SNTG1: variants seen among roughly 807,000 people sequenced by gnomAD.
SNTG1 encodes gamma-1-syntrophin.
SNTG1 carries 39 observed loss-of-function variants against 74.7 expected under a neutral mutation model. The ratio of observed to expected loss-of-function variants is 0.52; its 90% CI spans 0.40 to 0.68. SNTG1 has a LOEUF of 0.68. SNTG1 is among the 30% of genes least tolerant of loss of function. The pLI is 0.00. For missense variants in SNTG1, 685 were observed against 609.5 expected (o/e 1.12, Z -1.30); for synonymous variants, 254 against 217.1 (o/e 1.17, Z -1.49).
At chr8:50,084,473 A>G (rs1317791595) in intron 1 of SNTG1, among the ~76,000 whole-genome samples, 1 of 151,884 alleles carries the variant, frequency 6.6e-6, no homozygotes, top group Non-Finnish European at 1.5e-5. Flanking sequence ...AAAATAAAAT[A>G]AAAAAAAGTA....
At chr8:50,115,567 C>CAAAAAAAA (rs11386539) in intron 1 of SNTG1, among the ~76,000 whole-genome samples, 2 of 40,530 alleles carry the variant, frequency 4.9e-5, no homozygotes, top group African/African-American at 1.3e-4. Context: ...GACTCTGTCT[C>CAAAAAAAA]AAAAAAAAAA....
chr8:50,157,121 C>T (rs1254483601), intron 1 of SNTG1, among the ~76,000 whole-genome samples: 1 of 152,054 alleles, frequency 6.6e-6, no homozygotes, highest in Non-Finnish European at 1.5e-5. Flanking sequence ...AGAGCTGAAT[C>T]TCAAACAAGG....
chr8:50,359,329 T>C (rs767658003), intron 2 of SNTG1, among the ~76,000 whole-genome samples: 1 of 152,204 alleles, frequency 6.6e-6, no homozygotes, highest in African/African-American at 2.4e-5. Flanking sequence ...CCCTGCTGTA[T>C]TCACCAGCAT....
At position 49,943,645 on chromosome 8, in the gene SNTG1, A is replaced by C. The variant is rs775981570; in HGVS notation, c.-103+31414A>C. 5.1e-4 allele frequency among the ~76,000 whole-genome samples: 77 copies of C among 152,234 alleles called. 1 individual carries two copies. The highest frequency in any genetic ancestry group is 1.8e-3 in the African/African-American group (76 of 41,458). On this transcript the variant is annotated intron_variant, in intron 1 of 18. Transcript: ENST00000642720. ...CCTTGCCCTTCTGGCCCTATAATCCATGCATTTAAAATTTCACTGTGAGCC... is the reference window on the plus strand; with the variant it reads ...CCTTGCCCTTCTGGCCCTATAATCCCTGCATTTAAAATTTCACTGTGAGCC...
chr8:50,307,189 C>T (rs1002285596), intron 2 of SNTG1, among the ~76,000 whole-genome samples: 1 of 152,016 alleles, frequency 6.6e-6, no homozygotes, highest in Non-Finnish European at 1.5e-5. Context: ...ACCAAGGTGT[C>T]AATCTCTTGA....
At position 50,572,842 on chromosome 8, in the gene SNTG1, G is replaced by C. The variant is rs561839083; in HGVS notation, c.811-18037G>C. Among the ~76,000 whole-genome samples, 11 of 152,076 alleles carry C rather than the reference G, an allele frequency of 7.2e-5. No individual in the cohort carries two copies. The East Asian group carries it at 2.1e-3, about 29-fold the overall frequency. ...CTAACACATTTGTTAAATAGCATTG[G>C]CCACACATCTCTAAAAAATTGGAGG... On this transcript the variant is annotated intron_variant, in intron 12 of 18. Coordinates refer to ENST00000642720, the MANE Select transcript of SNTG1 (RefSeq NM_018967.5).
chr8:50,567,048 C>A (rs963847219), intron 12 of SNTG1, among the ~76,000 whole-genome samples: 3 of 152,072 alleles, frequency 2.0e-5, no homozygotes, highest in South Asian at 4.1e-4. Context: ...AGAGTTTACA[C>A]ATCTTTGTTG....
intron 1 of SNTG1, among the ~76,000 whole-genome samples, chr8:50,078,376 C>A (rs141171554): frequency 6.6e-6 from 1 of 152,106 alleles, no homozygotes; most frequent in African/African-American, 2.4e-5. Flanking sequence ...GCCTTCTTCC[C>A]GGCATTCCAT....
intron 1 of SNTG1, among the ~76,000 whole-genome samples, chr8:50,126,084 T>G (rs1320891528): frequency 6.6e-6 from 1 of 152,136 alleles, no homozygotes; most frequent in African/African-American, 2.4e-5. Flanking sequence ...TCTTGGGTCA[T>G]CACACCTGAG....
chr8:49,961,796 C>T (rs1563400233), intron 1 of SNTG1, among the ~76,000 whole-genome samples: 1 of 152,174 alleles, frequency 6.6e-6, no homozygotes, highest in Non-Finnish European at 1.5e-5. Flanking sequence ...TTTGGAACTC[C>T]TGTCACCCTT....
At chr8:50,474,215 A>AT (rs2131769715) in intron 8 of SNTG1, among the ~76,000 whole-genome samples, 1 of 152,240 alleles carries the variant, frequency 6.6e-6, no homozygotes, top group South Asian at 2.1e-4. Context: ...ACAACCCAAA[A>AT]TTGACAAATG....
intron 12 of SNTG1, among the ~76,000 whole-genome samples, chr8:50,564,301 CA>C (rs1159550486): frequency 1.3e-5 from 2 of 151,892 alleles, no homozygotes; most frequent in African/African-American, 4.8e-5. Flanking sequence ...TTTTGAGATT[CA>C]TTATAGTTTG....
intron 10 of SNTG1, among the ~76,000 whole-genome samples, chr8:50,531,352 T>C (rs533059327): frequency 1.3e-5 from 2 of 151,708 alleles, no homozygotes; most frequent in East Asian, 3.9e-4. Flanking sequence ...GCCAAAGAAA[T>C]AATTGCCACA....
intron 9 of SNTG1, among the ~76,000 whole-genome samples, chr8:50,526,213 T>C (rs2094218125): frequency 6.6e-6 from 1 of 152,188 alleles, no homozygotes; most frequent in African/African-American, 2.4e-5. Context: ...CAGAGTATGC[T>C]ATGTCTATCA....
At chr8:50,145,839 A>T (rs937091603) in intron 1 of SNTG1, among the ~76,000 whole-genome samples, 1 of 151,816 alleles carries the variant, frequency 6.6e-6, no homozygotes, top group Non-Finnish European at 1.5e-5. Context: ...GAATAATTAG[A>T]TATCTATGAA....
At chr8:50,186,202 A>G (rs751679729) in intron 2 of SNTG1, among the ~76,000 whole-genome samples, 2 of 152,094 alleles carry the variant, frequency 1.3e-5, no homozygotes, top group African/African-American at 2.4e-5. Flanking sequence ...ATGGCTGCAT[A>G]GTATTCCATG....
At chr8:49,973,853 A>C (rs1025148258) in intron 1 of SNTG1, among the ~76,000 whole-genome samples, 3 of 152,196 alleles carry the variant, frequency 2.0e-5, no homozygotes, top group Non-Finnish European at 4.4e-5. Flanking sequence ...TCAACAAAAC[A>C]TACTTCTACA....
At chr8:50,298,137 A>G (rs2089477386) in intron 2 of SNTG1, among the ~76,000 whole-genome samples, 1 of 152,060 alleles carries the variant, frequency 6.6e-6, no homozygotes, top group African/African-American at 2.4e-5. Flanking sequence ...ACGGCAATGA[A>G]ACTTTTCTTA....
intron 9 of SNTG1, among the ~76,000 whole-genome samples, chr8:50,520,640 A>T (rs1296235758): frequency 6.6e-6 from 1 of 152,234 alleles, no homozygotes; most frequent in Non-Finnish European, 1.5e-5. Flanking sequence ...TCAAAAGAAG[A>T]CATCTATGCA....
Sources: gnomAD v4.1 joint callset for allele counts (sites outside exome capture counted in the v4.1 genomes callset) on GRCh38, gnomAD v4.1.1 for gene constraint, MANE v1.5 for transcripts, NCBI Gene and HGNC (gene_info 2026-07-23, HGNC 2026-07-21) for gene names.